KCNIP1: variants seen among roughly 807,000 people sequenced by gnomAD.
KCNIP1 encodes the protein A-type potassium channel modulatory protein KCNIP1.
A neutral mutation model predicts 33.0 loss-of-function variants in KCNIP1; 18 were observed. That is an observed-to-expected ratio of 0.55 (90% CI 0.38 to 0.81). The LOEUF is 0.81. Ranked by LOEUF, KCNIP1 falls within the 30% of genes least tolerant of loss-of-function variation. KCNIP1 has a pLI of 0.00. For synonymous variants in KCNIP1, 93 were observed against 98.3 expected (o/e 0.95, Z 0.32); for missense variants, 238 against 271.6 (o/e 0.88, Z 0.87).
chr5:170,463,712 G>A (rs908030889), intron 1 of KCNIP1, among the ~76,000 whole-genome samples: 12 of 152,068 alleles, frequency 7.9e-5, no homozygotes, highest in Admixed American at 7.9e-4. Context: ...CAGCTAATAT[G>A]ATAAATAATG....
chr5:170,504,319 GTCC>G lies in KCNIP1; in HGVS notation c.-251_-249del. ...CTGGGCGAGGGAACCGCCGGGCCGG[GTCC>G]TCGCGCGGGGAAGCGGTTCCGAAGG... On this transcript the variant is annotated 5_prime_UTR_variant, in exon 1 of 8. Transcript: ENST00000328939. The surrounding 1 kb of genome is among the most constrained non-coding windows in gnomAD (Gnocchi z 6.0). 5.1e-6 allele frequency: 7 copies of G among 1,368,036 alleles called. No individual in the cohort carries two copies. The highest frequency in any genetic ancestry group is 5.6e-6 in the Non-Finnish European group (6 of 1,065,226). The allele number at this position is 1,368,036 out of a possible 1,614,324, so 84.7% of individuals were successfully genotyped here.
chr5:170,717,695 A>G (rs1763683735), intron 1 of KCNIP1, among the ~76,000 whole-genome samples: 1 of 152,202 alleles, frequency 6.6e-6, no homozygotes, highest in African/African-American at 2.4e-5. Context: ...ACAATTTAAT[A>G]CACCTGCTCA....
At position 170,469,379 on chromosome 5, in the gene KCNIP1, G is replaced by A. The variant is rs527468619; in HGVS notation, c.88+115415G>A. Among the ~76,000 whole-genome samples the A allele has an allele frequency of 1.3e-3, 192 of 152,294 alleles. 1 individual carries two copies. The highest frequency in any genetic ancestry group is 4.9e-4 in the Non-Finnish European group (33 of 68,026). Reference sequence around the variant, plus strand: ...CCTGCACTCCTGCCTGGGCAACAGAGGGAGACCCTGCCTCAAAACAAACAA... The same window carrying A: ...CCTGCACTCCTGCCTGGGCAACAGAAGGAGACCCTGCCTCAAAACAAACAA... On this transcript the variant is annotated intron_variant, in intron 1 of 7. Transcript: ENST00000377360.
At chr5:170,481,883 T>A (rs1756985670) in intron 1 of KCNIP1, among the ~76,000 whole-genome samples, 1 of 152,224 alleles carries the variant, frequency 6.6e-6, no homozygotes, top group Non-Finnish European at 1.5e-5. Context: ...CCCTGAGTGG[T>A]CTGTATGGTC....
intron 1 of KCNIP1, among the ~76,000 whole-genome samples, chr5:170,606,324 A>G (rs1369780168): frequency 1.3e-5 from 2 of 152,196 alleles, no homozygotes; most frequent in East Asian, 3.9e-4. Context: ...ACTGCCCAAC[A>G]GTTTTCCATA....
intron 1 of KCNIP1, among the ~76,000 whole-genome samples, chr5:170,433,046 T>G (rs1305199860): frequency 6.6e-6 from 1 of 152,176 alleles, no homozygotes; most frequent in African/African-American, 2.4e-5. Flanking sequence ...GAGGGAAATC[T>G]TCTCCATGGC....
At chr5:170,626,305 G>C (rs563177980) in intron 1 of KCNIP1, among the ~76,000 whole-genome samples, 2 of 152,302 alleles carry the variant, frequency 1.3e-5, no homozygotes, top group South Asian at 4.1e-4. Flanking sequence ...CTTGTCCAAG[G>C]CTCCCCAGCT....
At chr5:170,546,337 C>T (rs1756408318) in intron 1 of KCNIP1, among the ~76,000 whole-genome samples, 1 of 152,176 alleles carries the variant, frequency 6.6e-6, no homozygotes, top group Admixed American at 6.5e-5. Context: ...AATTTCATTC[C>T]AACCTTCCAT....
intron 1 of KCNIP1, among the ~76,000 whole-genome samples, chr5:170,396,209 G>T (rs537691525): frequency 8.5e-5 from 13 of 152,186 alleles, no homozygotes; most frequent in Non-Finnish European, 1.9e-4. Flanking sequence ...CTAGGGGCTC[G>T]CAATGTTGGT....
chr5:170,525,839 G>T (rs1755544849), intron 1 of KCNIP1, among the ~76,000 whole-genome samples: 1 of 152,214 alleles, frequency 6.6e-6, no homozygotes, highest in African/African-American at 2.4e-5. Context: ...AAGGGTGAGG[G>T]TGTTAGTTCG....
At chr5:170,508,854 A>C (rs986180321) in intron 1 of KCNIP1, among the ~76,000 whole-genome samples, 9 of 151,958 alleles carry the variant, frequency 5.9e-5, no homozygotes, top group African/African-American at 2.2e-4. Context: ...TAAGGTGTAC[A>C]TTTTCTTATG....
chr5:170,663,792 C>G (rs1411604102), intron 1 of KCNIP1, among the ~76,000 whole-genome samples: 2 of 151,944 alleles, frequency 1.3e-5, no homozygotes, highest in African/African-American at 2.4e-5. Context: ...TCCTTCCCAC[C>G]TACCATGGCC....
chr5:170,612,586 G>A (rs577296031), intron 1 of KCNIP1, among the ~76,000 whole-genome samples: 3 of 152,282 alleles, frequency 2.0e-5, no homozygotes, highest in African/African-American at 7.2e-5. Flanking sequence ...GGAATCAGAA[G>A]GCCTCCCCAG....
At chr5:170,655,809 G>A (rs10065965) in intron 1 of KCNIP1, among the ~76,000 whole-genome samples, 3 of 152,072 alleles carry the variant, frequency 2.0e-5, no homozygotes, top group Admixed American at 6.5e-5. Flanking sequence ...TTCCCGCTGT[G>A]GGGGGAAATC....
intron 1 of KCNIP1, among the ~76,000 whole-genome samples, chr5:170,522,786 C>T (rs1368262652): frequency 4.6e-5 from 7 of 152,334 alleles, no homozygotes; most frequent in East Asian, 1.9e-4. Flanking sequence ...GGCAGATTCT[C>T]CCTGATCTCT....
chr5:170,486,034 T>C (rs1451483277), intron 1 of KCNIP1: 1 of 152,526 alleles, frequency 6.6e-6, no homozygotes, highest in Non-Finnish European at 1.5e-5. Flanking sequence ...CTCTTCCTCC[T>C]CCTCCTTCTT....
chr5:170,608,005 A>G (rs913326041), intron 1 of KCNIP1, among the ~76,000 whole-genome samples: 1 of 152,222 alleles, frequency 6.6e-6, no homozygotes, highest in African/African-American at 2.4e-5. Flanking sequence ...GTTTAAAACA[A>G]TAGACATTTA....
intron 1 of KCNIP1, among the ~76,000 whole-genome samples, chr5:170,435,770 T>TA (rs1755849079): frequency 6.6e-6 from 1 of 152,128 alleles, no homozygotes; most frequent in Non-Finnish European, 1.5e-5. Context: ...CAGGAAACAA[T>TA]GCTATTGTTT....
At chr5:170,586,695 T>C (rs1426480784) in intron 1 of KCNIP1, among the ~76,000 whole-genome samples, 7 of 152,328 alleles carry the variant, frequency 4.6e-5, no homozygotes, top group Non-Finnish European at 7.3e-5. Flanking sequence ...GCCTAGTGGG[T>C]GTTCGATTCA....
Sources: allele counts gnomAD v4.1 joint callset (sites outside exome capture counted in the v4.1 genomes callset), GRCh38; gene constraint gnomAD v4.1.1; non-coding constraint Gnocchi (gnomAD v3.1); transcripts MANE v1.5; gene names NCBI Gene and HGNC (gene_info 2026-07-23, HGNC 2026-07-21).